The following CTDSP2 variants were observed in gnomAD, a reference collection of about 807,000 sequenced individuals.
CTDSP2 encodes carboxy-terminal domain RNA polymerase II polypeptide A small phosphatase 2.
In CTDSP2, 9 loss-of-function variants were observed where a neutral mutation model predicts 31.6. The ratio of observed to expected loss-of-function variants is 0.28; its 90% CI spans 0.17 to 0.50. CTDSP2 has a LOEUF of 0.50. Ranked by LOEUF, CTDSP2 falls within the 20% of genes least tolerant of loss-of-function variation. The pLI is 0.98. For synonymous variants in CTDSP2, 134 were observed against 134.5 expected (o/e 1.00, Z 0.03); for missense variants, 267 against 348.5 (o/e 0.77, Z 1.86).
At chr12:57,841,566 T>C (rs965162281) in intron 1 of CTDSP2, among the ~76,000 whole-genome samples, 1 of 152,140 alleles carries the variant, frequency 6.6e-6, no homozygotes, top group Non-Finnish European at 1.5e-5. Flanking sequence ...ATGGCCAAAG[T>C]CCCACAGCCC....
At position 57,823,524 on chromosome 12, in the gene CTDSP2, A is replaced by G. The variant is rs1174298276; in HGVS notation, c.*78T>C. ...CGTGTGGTGAGGCACTCCAGCTTCTACTCTGTCACGCTGATCGTAAAGGCA... is the reference window on the plus strand; with the variant it reads ...CGTGTGGTGAGGCACTCCAGCTTCTGCTCTGTCACGCTGATCGTAAAGGCA... On this transcript the variant is annotated 3_prime_UTR_variant, in exon 8 of 8. Transcript: ENST00000398073. 67 of 1,541,604 alleles carry G rather than the reference A, an allele frequency of 4.3e-5. No homozygotes were observed. The Middle Eastern group carries it at 1.7e-3, about 39-fold the overall frequency.
chr12:57,832,310 G>A (rs1404449611), intron 1 of CTDSP2, among the ~76,000 whole-genome samples: 1 of 152,206 alleles, frequency 6.6e-6, no homozygotes, highest in African/African-American at 2.4e-5. Flanking sequence ...CAGGGACAGG[G>A]ATTTTGTCAT....
chr12:57,843,920 G>A (rs1204239000), intron 1 of CTDSP2, among the ~76,000 whole-genome samples: 2 of 152,122 alleles, frequency 1.3e-5, no homozygotes, highest in African/African-American at 2.4e-5. Flanking sequence ...GGGAGGGGCC[G>A]GGCGCGGTGG....
intron 1 of CTDSP2, among the ~76,000 whole-genome samples, chr12:57,830,301 C>T (rs1435290440): frequency 4.6e-5 from 7 of 152,202 alleles, no homozygotes; most frequent in African/African-American, 1.7e-4. Context: ...AGGAGAATGG[C>T]GTGAACCCAG....
At position 57,820,811 on chromosome 12, in the gene CTDSP2, CTA is replaced by C. The variant is rs1377951053; in HGVS notation, c.*2789_*2790del. 2 of 152,256 alleles carry C rather than the reference CTA, an allele frequency of 1.3e-5. No individual in the cohort carries two copies. Among genetic ancestry groups the C allele is most frequent in the African/African-American group, 4.8e-5 (2 of 41,440 alleles). 9.4% of individuals were successfully genotyped at this position (152,256 alleles called of 1,614,324 possible). A position where few individuals can be genotyped will look rare whatever the true frequency, so the allele number is the denominator to read the frequency against. On this transcript the variant is annotated 3_prime_UTR_variant, in exon 8 of 8. Transcript: ENST00000398073. Reference sequence around the variant, plus strand: ...ACTGGTCCTGTGTCCAAAGCTCCCCCTATGAGAGGGACACGAACATCAGGCTT... The same window carrying C: ...ACTGGTCCTGTGTCCAAAGCTCCCCCTGAGAGGGACACGAACATCAGGCTT...
intron 2 of CTDSP2, among the ~76,000 whole-genome samples, chr12:57,829,143 A>G (rs1956200145): frequency 6.6e-6 from 1 of 152,232 alleles, no homozygotes. Context: ...ATCTCCTTAC[A>G]GGGCTGCTGG....
At chr12:57,844,152 G>A (rs1956299101) in intron 1 of CTDSP2, among the ~76,000 whole-genome samples, 1 of 151,772 alleles carries the variant, frequency 6.6e-6, no homozygotes, top group Admixed American at 6.6e-5. Context: ...CTGAGATTGC[G>A]CCACTGCACT....
In CTDSP2 at chr12:57,838,419, T is replaced by G. The variant is rs56856767; in HGVS notation, c.64+7953A>C. Among the ~76,000 whole-genome samples the G allele has an allele frequency of 2.0e-4, 31 of 152,156 alleles. No individual in the cohort carries two copies. In the East Asian group the frequency reaches 5.6e-3, roughly 27 times the overall value. The stretch of plus-strand genomic sequence containing the variant: ...GGAAACCACACTTGCCTACCTGGAG[T>G]TACCCCTCCTTCCCCCTAAGGAGGT... On this transcript the variant is annotated intron_variant, in intron 1 of 7. Transcript: ENST00000398073.
At chr12:57,826,716 T>C (rs1270991556) in intron 4 of CTDSP2, among the ~76,000 whole-genome samples, 1 of 152,118 alleles carries the variant, frequency 6.6e-6, no homozygotes, top group Non-Finnish European at 1.5e-5. Flanking sequence ...TACAGAGCCC[T>C]CGTGGCTGGC....
chr12:57,831,392 G>C (rs989483154), intron 1 of CTDSP2, among the ~76,000 whole-genome samples: 7 of 152,062 alleles, frequency 4.6e-5, no homozygotes, highest in African/African-American at 1.7e-4. Flanking sequence ...GGTGGAAGTC[G>C]CAGTGAGCCG....
intron 3 of CTDSP2, 182 bp from the exon 4 acceptor site, chr12:57,827,279 G>T (rs1229656126): frequency 7.9e-6 from 5 of 632,048 alleles, no homozygotes; most frequent in Non-Finnish European, 1.4e-5. Context: ...CTCCCAGTGG[G>T]ACTATTAAGT....
chr12:57,835,793 G>C (rs1250346069), intron 1 of CTDSP2, among the ~76,000 whole-genome samples: 2 of 152,166 alleles, frequency 1.3e-5, no homozygotes, highest in Admixed American at 6.5e-5. Context: ...GGGGTGTGAG[G>C]AGAAGAGGGG....
chr12:57,826,454 G>GC (rs757965257), intron 4 of CTDSP2, 52 bp from the exon 5 acceptor site: 1 of 1,568,554 alleles, frequency 6.4e-7, no homozygotes, highest in South Asian at 1.1e-5. Flanking sequence ...GAAACATGAG[G>GC]CCCCCACCAT....
intron 1 of CTDSP2, among the ~76,000 whole-genome samples, chr12:57,836,849 A>G (rs113226834): frequency 0.019 from 2,854 of 152,306 alleles, 68 homozygotes; most frequent in South Asian, 0.07. Context: ...AACCTCTGAG[A>G]CAATCAGATT....
At chr12:57,828,006 G>A (rs529541371) in intron 2 of CTDSP2, among the ~76,000 whole-genome samples, 2 of 152,224 alleles carry the variant, frequency 1.3e-5, no homozygotes, top group African/African-American at 2.4e-5. Context: ...CCTCCTTAGG[G>A]GTTATGTGGG....
rs1000484107 is a variant in CTDSP2, at chr12:57,846,523, C to A, written c.-88G>T. On this transcript the variant is annotated 5_prime_UTR_variant, in exon 1 of 8. Transcript: ENST00000398073. ...GGGCTGGGGGGCCTGGGCGGGGGCC[C>A]GCTCCGGCTCCCGAGACTCCGACTT... is the stretch of plus-strand genomic sequence containing the variant. 2 of 1,094,592 alleles carry A rather than the reference C, an allele frequency of 1.8e-6. No individual in the cohort carries two copies. The highest frequency in any genetic ancestry group is 6.2e-5 in the East Asian group (2 of 32,288). The allele number at this position is 1,094,592 out of a possible 1,614,324, so 67.8% of individuals were successfully genotyped here.
At chr12:57,832,820 GAAAAGA>G (rs1467274091) in intron 1 of CTDSP2, among the ~76,000 whole-genome samples, 4 of 109,908 alleles carry the variant, frequency 3.6e-5, no homozygotes, top group South Asian at 3.6e-4. Flanking sequence ...AAAAAAAAAG[GAAAAGA>G]AAAAGAAAAA....
intron 1 of CTDSP2, among the ~76,000 whole-genome samples, chr12:57,833,647 G>A (rs966627426): frequency 1.3e-5 from 2 of 152,258 alleles, no homozygotes; most frequent in African/African-American, 4.8e-5. Flanking sequence ...CAGGTGCTCA[G>A]TAACTTTGCC....
At position 57,824,797 on chromosome 12, in the gene CTDSP2, A is replaced by G. The variant is rs547827652; in HGVS notation, c.412-478T>C. ...AAGTGACTTTTTCCCCTCAATGACCATAGACTAGACAGACACCCTGCCGAG... is the reference window on the plus strand; with the variant it reads ...AAGTGACTTTTTCCCCTCAATGACCGTAGACTAGACAGACACCCTGCCGAG... On this transcript the variant is annotated intron_variant, in intron 5 of 7. Transcript: ENST00000398073. The G allele has an allele frequency of 4.5e-4, 193 of 425,864 alleles. 1 individual carries two copies. Among genetic ancestry groups the G allele is most frequent in the South Asian group, 3.1e-3 (186 of 59,662 alleles). 26.4% of individuals were successfully genotyped at this position (425,864 alleles called of 1,614,324 possible). A position where few individuals can be genotyped will look rare whatever the true frequency, so the allele number is the denominator to read the frequency against.
Sources: allele counts gnomAD v4.1 joint callset (sites outside exome capture counted in the v4.1 genomes callset), GRCh38; gene constraint gnomAD v4.1.1; transcripts MANE v1.5; gene names NCBI Gene and HGNC (gene_info 2026-07-23, HGNC 2026-07-21).